The following CASP8 variants were observed in gnomAD, a reference collection of about 807,000 sequenced individuals.
CASP8 encodes caspase-8.
A neutral mutation model predicts 46.3 loss-of-function variants in CASP8; 24 were observed. The ratio of observed to expected loss-of-function variants is 0.52; its 90% confidence interval spans 0.38 to 0.73. CASP8 has a LOEUF of 0.73. Ranked by LOEUF, CASP8 falls within the 30% of genes least tolerant of loss-of-function variation. The pLI is 0.00. For synonymous variants in CASP8, 188 were observed against 200.4 expected, an observed-to-expected ratio of 0.94 and a Z score of 0.52; for missense variants, 460 against 559.0, an observed-to-expected ratio of 0.82 and a Z score of 1.79.
intron 2 of CASP8, among the ~76,000 whole-genome samples, chr2:201,246,328 G>T (rs1452023477): frequency 7.9e-5 from 12 of 152,104 alleles, no homozygotes; most frequent in Non-Finnish European, 4.4e-5. Context: ...CACCTCTCAG[G>T]GTTGTGTGAT....
At chr2:201,286,263 A>G (rs1161660588) in intron 8 of CASP8, among the ~76,000 whole-genome samples, 196 bp from the exon 9 acceptor site, 2 of 152,342 alleles carry the variant, frequency 1.3e-5, no homozygotes, top group East Asian at 3.9e-4. Flanking sequence ...GAATAAACCA[A>G]AAGTAAGTTA....
At chr2:201,257,146 C>A (rs1947059247), upstream of CASP8, among the ~76,000 whole-genome samples, 1 of 150,464 alleles carries the variant, frequency 6.6e-6, no homozygotes, top group Non-Finnish European at 1.5e-5. Flanking sequence ...ACTCCGTCCC[C>A]CGAACAAAAA....
At chr2:201,242,564 G>A (rs952482401) in intron 2 of CASP8, 10 of 152,064 alleles carry the variant, frequency 6.6e-5, no homozygotes, top group Admixed American at 1.3e-4. Context: ...TAGGGGATTA[G>A]GTTTCAACAT....
At chr2:201,239,225 C>A (rs988980072) in intron 2 of CASP8, among the ~76,000 whole-genome samples, 1 of 152,238 alleles carries the variant, frequency 6.6e-6, no homozygotes, top group African/African-American at 2.4e-5. Context: ...CCTTTCCCCC[C>A]TTTCTGTTCC....
chr2:201,247,395 C>T (rs997448070), intron 2 of CASP8, among the ~76,000 whole-genome samples: 29 of 151,854 alleles, frequency 1.9e-4, no homozygotes, highest in Admixed American at 5.3e-4. Flanking sequence ...ATGCTGAAGG[C>T]GCCTTCCTTC....
At chr2:201,251,465 T>C (rs7588576) in intron 2 of CASP8, among the ~76,000 whole-genome samples, 19,025 of 147,692 alleles carry the variant, frequency 0.13, 1,642 homozygotes, top group South Asian at 0.3. Context: ...CGTGGTGGCG[T>C]GTGCCTGTAA....
intron 6 of CASP8, among the ~76,000 whole-genome samples, 173 bp from the exon 7 acceptor site, chr2:201,276,654 A>T (rs868598940): frequency 3.9e-5 from 6 of 152,204 alleles, no homozygotes; most frequent in South Asian, 2.1e-4. Flanking sequence ...GATGGGGCAG[A>T]AGTCTGAGAG....
At chr2:201,259,012 C>T (rs1051872304), upstream of CASP8, among the ~76,000 whole-genome samples, 4 of 152,014 alleles carry the variant, frequency 2.6e-5, no homozygotes, top group Admixed American at 1.3e-4. Context: ...TCCTCTGTGC[C>T]TCTGTTATCT....
At chr2:201,268,909 TTGTGTGTGTGTGTGTGTGTG>T (rs58087434) in intron 2 of CASP8, among the ~76,000 whole-genome samples, 2 of 131,640 alleles carry the variant, frequency 1.5e-5, no homozygotes, top group South Asian at 2.5e-4. Flanking sequence ...GGCCTCATCT[TTGTGTGTGTGTGTGTGTGTG>T]TGTGTGTGTG....
At chr2:201,240,826 T>C (rs1230883383) in intron 2 of CASP8, 1 of 152,190 alleles carries the variant, frequency 6.6e-6, no homozygotes, top group East Asian at 1.9e-4. Context: ...TCATACCATG[T>C]ATCTTTTCTG....
rs528191603 is a variant in CASP8, at chr2:201,272,268, G to C, written c.412-370G>C. Among the ~76,000 whole-genome samples the C allele has an allele frequency of 6.6e-6, 1 of 151,978 alleles. No homozygotes were observed. The highest frequency in any genetic ancestry group is 1.5e-5 in the Non-Finnish European group (1 of 67,962). ...TGTCTGTGTGTCTGTATGTACTCAG[G>C]TCTGGAGAGGCAATGCTGGGGGTGA... On this transcript the variant is annotated intron_variant, in intron 3 of 8. Coordinates refer to ENST00000673742, the MANE Select transcript of CASP8 (RefSeq NM_001372051.1). This position sits in a 1 kb window ranked among gnomAD's most constrained non-coding sequence, Gnocchi z 4.4.
rs1576183624 is a variant in CASP8, at chr2:201,238,550, T to C, written c.-27+4438T>C. Among the ~76,000 whole-genome samples, 3 of 152,204 alleles carry C rather than the reference T, an allele frequency of 2.0e-5. No homozygotes were observed. The East Asian group carries it at 5.8e-4, about 29-fold the overall frequency. ...TCCGCCTCCTGGGTTCAAGCAATTCTCCTGCCTCAGCCTCCCGAGTAGCTG... is the reference window on the plus strand; with the variant it reads ...TCCGCCTCCTGGGTTCAAGCAATTCCCCTGCCTCAGCCTCCCGAGTAGCTG... On this transcript the variant is annotated intron_variant, in intron 2 of 6. Coordinates refer to the CASP8 transcript ENST00000264274.
chr2:201,249,649 C>T (rs368767171), intron 2 of CASP8, among the ~76,000 whole-genome samples: 11 of 152,194 alleles, frequency 7.2e-5, no homozygotes, highest in South Asian at 2.1e-4. Context: ...CGCTTGAGCG[C>T]GGGAGGCGGA....
At chr2:201,260,390 C>G (rs1233132120), upstream of CASP8, 1 of 264,848 alleles carries the variant, frequency 3.8e-6, no homozygotes, top group Non-Finnish European at 5.8e-6. Context: ...ACCACCAGGC[C>G]TTTTTCCTGC....
At chr2:201,286,330 C>A (rs1288973593) in intron 8 of CASP8, 129 bp from the exon 9 acceptor site, 9 of 1,200,458 alleles carry the variant, frequency 7.5e-6, no homozygotes, top group Non-Finnish European at 1.1e-5. Context: ...TGGTTTCGCA[C>A]CTTATTGTTT....
intron 7 of CASP8, among the ~76,000 whole-genome samples, chr2:201,280,939 A>C (rs1231748181): frequency 6.6e-6 from 1 of 152,232 alleles, no homozygotes; most frequent in East Asian, 1.9e-4. Flanking sequence ...ATACAATTAC[A>C]AGTTCCAGGA....
At position 201,272,333 on chromosome 2, in the gene CASP8, G is replaced by T. The variant is rs1266904516; in HGVS notation, c.412-305G>T. ...GTGTCACCATGATGACCGGGCTGCT[G>T]TCTCAGGTTGTTTCACAGTCCCCAA... On this transcript the variant is annotated intron_variant, in intron 3 of 8. Transcript: ENST00000673742. This position sits in a 1 kb window ranked among gnomAD's most constrained non-coding sequence, Gnocchi z 4.4. 2.0e-5 allele frequency among the ~76,000 whole-genome samples: 3 copies of T among 152,136 alleles called. No homozygotes were observed. Among genetic ancestry groups the T allele is most frequent in the East Asian group, 1.9e-4 (1 of 5,186 alleles).
Position 201,266,684 on chromosome 2 carries a change from C to T in CASP8, c.198C>T (p.Leu66=). ...ATCTGTCCTTCCTGAAGGAGCTGCT[C>T]TTCCGAATTAATAGACTGGATTTGC... ...ESNLSFLKEL[L]FRINRLDLLI... Residue 66 remains leucine, a synonymous_variant, in exon 2 of 9, where the codon CTC becomes CTT. Coordinates refer to ENST00000673742, the MANE Select transcript of CASP8 (RefSeq NM_001372051.1). This position sits in a 1 kb window ranked among gnomAD's most constrained non-coding sequence, Gnocchi z 5.7. The T allele has an allele frequency of 6.2e-7, 1 of 1,614,044 alleles. No homozygotes were observed. Among genetic ancestry groups the T allele is most frequent in the Non-Finnish European group, 8.5e-7 (1 of 1,179,942 alleles).
At chr2:201,254,181 G>A (rs768086810) in intron 2 of CASP8, among the ~76,000 whole-genome samples, 5 of 152,082 alleles carry the variant, frequency 3.3e-5, no homozygotes, top group African/African-American at 1.2e-4. Context: ...TCCGTGGTAC[G>A]GATTCATGTC....
Sources: gnomAD v4.1 joint callset for allele counts (sites outside exome capture counted in the v4.1 genomes callset) on GRCh38, gnomAD v4.1.1 for gene constraint, Gnocchi (gnomAD v3.1) non-coding constraint, MANE v1.5 for transcripts, NCBI Gene and HGNC (gene_info 2026-07-23, HGNC 2026-07-21) for gene names.